The following PHAF1 variants were observed in gnomAD, a reference collection of about 807,000 sequenced individuals.
The protein encoded by PHAF1 is phagophore assembly factor 1.
In PHAF1, 23 loss-of-function variants were observed where a neutral mutation model predicts 63.1. The ratio of observed to expected loss-of-function variants is 0.36; its 90% CI spans 0.26 to 0.52. The LOEUF (loss-of-function observed/expected upper bound fraction) is 0.52, where lower values mean the gene tolerates loss of function less well. PHAF1 is among the 20% of genes least tolerant of loss of function. PHAF1 has a pLI of 0.93. For synonymous variants in PHAF1, 167 were observed against 185.0 expected (o/e 0.90, Z 0.79); for missense variants, 427 against 517.2 (o/e 0.83, Z 1.69).
rs768698098 is a variant in PHAF1, at chr16:67,131,279, T to C, written c.232-7T>C. ...AGAGCATTGACAACTCTTAAACTTT[T>C]TTTTAGGTGATCGAAGTATGTGATT... On this transcript the variant is annotated splice_polypyrimidine_tract_variant and splice_region_variant and intron_variant, in intron 3 of 15. Coordinates refer to ENST00000219139, the MANE Select transcript of PHAF1 (RefSeq NM_025187.5). 6.9e-6 allele frequency: 11 copies of C among 1,587,836 alleles called. No homozygotes were observed. Among genetic ancestry groups the C allele is most frequent in the Admixed American group, 5.4e-5 (3 of 55,868 alleles).
rs1963746703 is a variant in PHAF1 at position 67,139,996 on chromosome 16, G to A, written c.674G>A (p.Gly225Asp). 1.2e-6 allele frequency: 2 copies of A among 1,613,870 alleles called. No individual in the cohort carries two copies. Among genetic ancestry groups the A allele is most frequent in the Non-Finnish European group, 8.5e-7 (1 of 1,179,990 alleles). The change falls in exon 9 of 16, where the codon GGC becomes GAC. Residue 225 changes from glycine (G) to aspartate (D), a missense_variant. Transcript: ENST00000219139. ...LRLLAAGCGP[G>D]LLADAKMRVF... is the part of the protein sequence containing the mutation. ...TTGTTTTTTGCAGGTTGTGGACCTG[G>A]CCTATTAGCAGATGCCAAGATGCGG...
intron 3 of PHAF1, among the ~76,000 whole-genome samples, chr16:67,130,205 C>A (rs1341350841): frequency 6.6e-6 from 1 of 152,074 alleles, no homozygotes; most frequent in Admixed American, 6.5e-5. Flanking sequence ...CACCACCACG[C>A]CTGGCTAATT....
intron 3 of PHAF1, among the ~76,000 whole-genome samples, chr16:67,131,034 T>C (rs1309359313): frequency 1.3e-5 from 2 of 152,166 alleles, no homozygotes; most frequent in Non-Finnish European, 2.9e-5. Flanking sequence ...AGGAGGATCA[T>C]TTGAGCCCAG....
intron 12 of PHAF1, 135 bp from the exon 13 acceptor site, chr16:67,145,241 C>T: frequency 2.0e-6 from 2 of 1,013,382 alleles, no homozygotes; most frequent in East Asian, 2.6e-5. Context: ...CCTGGAACTC[C>T]AAAACAGCCT....
rs758915292 is a variant in PHAF1 at position 67,132,483 on chromosome 16, A to G, written c.313A>G (p.Ile105Val). The G allele has an allele frequency of 3.1e-6, 5 of 1,613,936 alleles. No individual in the cohort carries two copies. Among genetic ancestry groups the G allele is most frequent in the African/African-American group, 2.7e-5 (2 of 74,890 alleles). ...HFNSQAIAPT[I>V]EQIDQSFGAT... ...TAATTCTCAGGCCATAGCTCCTACCATTGAACAGATTGACCAGTCTTTTGG... is the reference window on the plus strand; with the variant it reads ...TAATTCTCAGGCCATAGCTCCTACCGTTGAACAGATTGACCAGTCTTTTGG... Residue 105 changes from isoleucine (I) to valine (V), a missense_variant, in exon 5 of 16, where the codon ATT becomes GTT. Coordinates refer to ENST00000219139, the MANE Select transcript of PHAF1 (RefSeq NM_025187.5).
chr16:67,146,802 C>T (rs371453065), intron 15 of PHAF1, among the ~76,000 whole-genome samples: 1 of 152,264 alleles, frequency 6.6e-6, no homozygotes, highest in South Asian at 2.1e-4. Flanking sequence ...GTATCTCCAG[C>T]AGACACTTAA....
intron 2 of PHAF1, among the ~76,000 whole-genome samples, chr16:67,123,438 G>A (rs565549715): frequency 1.3e-5 from 2 of 152,210 alleles, no homozygotes; most frequent in South Asian, 4.2e-4. Flanking sequence ...TTAGCCAGGT[G>A]TGGTGGTGCA....
rs978715770 is a variant in PHAF1 at position 67,144,201 on chromosome 16, C to T, written c.880-93C>T. On this transcript the variant is annotated intron_variant, in intron 10 of 15. Coordinates refer to ENST00000219139, the MANE Select transcript of PHAF1 (RefSeq NM_025187.5). ...CTGCAGGCATTCTTGCTGTGGAGTG[C>T]ACTGGATGTCCCAAGTTGGACATGC... is the stretch of plus-strand genomic sequence containing the variant. The T allele has an allele frequency of 4.8e-6, 4 of 830,664 alleles. No individual in the cohort carries two copies. In the African/African-American group the frequency reaches 5.0e-5, roughly 10 times the overall value. 51.5% of individuals were successfully genotyped at this position (830,664 alleles called of 1,614,324 possible). A position where few individuals can be genotyped will look rare whatever the true frequency, so the allele number is the denominator to read the frequency against.
At chr16:67,127,552 T>C (rs1228583516) in intron 3 of PHAF1, among the ~76,000 whole-genome samples, 1 of 152,094 alleles carries the variant, frequency 6.6e-6, no homozygotes, top group African/African-American at 2.4e-5. Context: ...ATCCCAGCAC[T>C]TTGGGAGGCT....
chr16:67,118,524 A>G (rs947404316), intron 1 of PHAF1, among the ~76,000 whole-genome samples: 12 of 150,798 alleles, frequency 8.0e-5, no homozygotes, highest in Non-Finnish European at 1.3e-4. Flanking sequence ...TTTAATGGAG[A>G]CAGGGTTTCA....
intron 1 of PHAF1, among the ~76,000 whole-genome samples, chr16:67,112,179 A>T (rs1168296540): frequency 1.3e-5 from 2 of 151,684 alleles, no homozygotes; most frequent in Non-Finnish European, 2.9e-5. Flanking sequence ...CATAGCTTCA[A>T]ACTGTGCTTA....
At chr16:67,143,909 TGAAACC>T (rs1963897148) in intron 10 of PHAF1, among the ~76,000 whole-genome samples, 3 of 151,594 alleles carry the variant, frequency 2.0e-5, no homozygotes, top group Non-Finnish European at 4.4e-5. Flanking sequence ...GCCAACATGG[TGAAACC>T]CCGTCTCTAC....
chr16:67,124,172 CA>C (rs1963093985), intron 2 of PHAF1, among the ~76,000 whole-genome samples: 1 of 152,058 alleles, frequency 6.6e-6, no homozygotes, highest in Non-Finnish European at 1.5e-5. Flanking sequence ...ATGCCTCCTC[CA>C]AGCAAGATTC....
At chr16:67,128,930 G>A (rs1395674156) in intron 3 of PHAF1, among the ~76,000 whole-genome samples, 1 of 152,214 alleles carries the variant, frequency 6.6e-6, no homozygotes, top group Non-Finnish European at 1.5e-5. Flanking sequence ...AGTGATACAG[G>A]AGGAACATCG....
chr16:67,140,022 G>A lies in PHAF1; in HGVS notation c.700G>A (p.Val234Ile). 6.2e-7 allele frequency: 1 copy of A among 1,614,128 alleles called. No homozygotes were observed. Reference protein sequence around the residue: ...PGLLADAKMRVFERSVYFGDS... With the variant: ...PGLLADAKMRIFERSVYFGDS... ...CCTATTAGCAGATGCCAAGATGCGG[G>A]TATTTGAACGTTCAGTGTATTTTGG... The change falls in exon 9 of 16, where the codon GTA becomes ATA. Residue 234 changes from valine to isoleucine, a missense_variant. Val to Ile is a conservative substitution (Grantham distance 29, BLOSUM62 3). Coordinates refer to ENST00000219139, the MANE Select transcript of PHAF1 (RefSeq NM_025187.5).
chr16:67,127,577 A>T (rs920949132), intron 3 of PHAF1, among the ~76,000 whole-genome samples: 6 of 152,090 alleles, frequency 3.9e-5, no homozygotes, highest in South Asian at 2.1e-4. Context: ...CGGGTGGATC[A>T]CGAGGTCAGG....
At chr16:67,134,495 A>G (rs1466224368) in intron 8 of PHAF1, 28 bp downstream of exon 8, 12 of 1,531,698 alleles carry the variant, frequency 7.8e-6, no homozygotes, top group South Asian at 1.1e-5. Flanking sequence ...AGGTTGGTAC[A>G]TTCCGCATTA....
intron 3 of PHAF1, among the ~76,000 whole-genome samples, chr16:67,127,843 T>C (rs1963250085): frequency 6.6e-6 from 1 of 152,118 alleles, no homozygotes; most frequent in Admixed American, 6.5e-5. Flanking sequence ...TGGAAATTTC[T>C]TTACAAGTAG....
intron 14 of PHAF1, among the ~76,000 whole-genome samples, 192 bp from the exon 15 acceptor site, chr16:67,146,086 G>A (rs1221322052): frequency 1.3e-5 from 2 of 152,118 alleles, no homozygotes; most frequent in African/African-American, 4.8e-5. Flanking sequence ...GTTGGGCTCT[G>A]TATGTATAAT....
Sources: gnomAD v4.1 joint callset for allele counts (sites outside exome capture counted in the v4.1 genomes callset) on GRCh38, gnomAD v4.1.1 for gene constraint, MANE v1.5 for transcripts, NCBI Gene and HGNC (gene_info 2026-07-23, HGNC 2026-07-21) for gene names.